Variants in KCNJ5 observed in about 807,000 individuals in gnomAD.
The protein encoded by KCNJ5 is G protein-activated inward rectifier potassium channel 4.
In KCNJ5, 12 loss-of-function variants were observed where a neutral mutation model predicts 20.2. The observed-to-expected ratio is 0.59, with a 90% CI of 0.38 to 0.96. KCNJ5 has a LOEUF of 0.96. Among genes scored for constraint, KCNJ5 ranks in the 40% least tolerant of loss-of-function variants. The pLI is 0.00. For missense variants in KCNJ5, 449 were observed against 557.6 expected (o/e 0.81, Z 1.96); for synonymous variants, 210 against 213.9 (o/e 0.98, Z 0.16).
chr11:128,895,025 C>T (rs11606500), intron 1 of KCNJ5, among the ~76,000 whole-genome samples: 31,544 of 150,652 alleles, frequency 0.21, 3,831 homozygotes, highest in Non-Finnish European at 0.27. Flanking sequence ...CAGGTGGCAA[C>T]GGCACTTCCT....
Position 128,916,799 on chromosome 11 carries a change from G to T in KCNJ5, c.*68G>T. ...AACACAGACACTGCAGAGCCTGGGAGCAGGGGAGGGGAATAGTTGAGTGTG... is the reference window on the plus strand; with the variant it reads ...AACACAGACACTGCAGAGCCTGGGATCAGGGGAGGGGAATAGTTGAGTGTG... On this transcript the variant is annotated 3_prime_UTR_variant, in exon 3 of 3. Transcript: ENST00000529694. The T allele has an allele frequency of 1.6e-6, 2 of 1,228,426 alleles. 1 individual carries two copies. Among genetic ancestry groups the T allele is most frequent in the South Asian group, 2.9e-5 (2 of 69,400 alleles). The allele number at this position is 1,228,426 out of a possible 1,614,324, so 76.1% of individuals were successfully genotyped here.
chr11:128,914,068 C>T (rs573604291), intron 2 of KCNJ5, among the ~76,000 whole-genome samples: 59 of 152,284 alleles, frequency 3.9e-4, no homozygotes, highest in African/African-American at 1.4e-3. Context: ...GCCCCGGGGC[C>T]GAGGACAGTC....
chr11:128,899,152 C>T (rs577982113), intron 1 of KCNJ5, among the ~76,000 whole-genome samples: 2 of 152,334 alleles, frequency 1.3e-5, no homozygotes, highest in South Asian at 2.1e-4. Context: ...CTGGGTTCAA[C>T]TCCAGATCAA....
chr11:128,907,052 C>A (rs1280241185), intron 1 of KCNJ5, among the ~76,000 whole-genome samples: 1 of 152,162 alleles, frequency 6.6e-6, no homozygotes, highest in Non-Finnish European at 1.5e-5. Flanking sequence ...CAGTTTGGAG[C>A]ATTTTCCTAT....
chr11:128,910,497 T>G (rs898518961), intron 1 of KCNJ5, among the ~76,000 whole-genome samples: 1 of 152,180 alleles, frequency 6.6e-6, no homozygotes. Flanking sequence ...TTCCTTTCTG[T>G]CTGCTGCTAA....
At chr11:128,904,461 G>C in intron 1 of KCNJ5, 1 of 1,613,744 alleles carries the variant, frequency 6.2e-7, no homozygotes, top group Non-Finnish European at 8.5e-7. Flanking sequence ...CAGATTCTGG[G>C]ACTAGGCATC....
At chr11:128,910,740 T>C (rs985808716) in intron 1 of KCNJ5, among the ~76,000 whole-genome samples, 22 of 152,172 alleles carry the variant, frequency 1.4e-4, no homozygotes, top group African/African-American at 5.3e-4. Context: ...GAGAACAAAA[T>C]GAACACAAAC....
Position 128,912,050 on chromosome 11 carries a change from GGGCTTTGACAC to G in KCNJ5, c.780_790del (p.Phe261ArgfsTer15). 1.2e-6 allele frequency: 2 copies of G among 1,613,974 alleles called. No individual in the cohort carries two copies. Among genetic ancestry groups the G allele is most frequent in the Non-Finnish European group, 1.7e-6 (2 of 1,179,978 alleles). On this transcript the variant is annotated frameshift_variant, in exon 2 of 3. Coordinates refer to ENST00000529694, the MANE Select transcript of KCNJ5 (RefSeq NM_000890.5). LOFTEE classifies it high-confidence loss of function. ...CCCTGAACCAGACAGACATCAACGTGGGCTTTGACACGGGCGACGACCGCCTCTTCCTTGTG... is the reference window on the plus strand; with the variant it reads ...CCCTGAACCAGACAGACATCAACGTGGGGCGACGACCGCCTCTTCCTTGTG...
chr11:128,907,265 A>T (rs1451041927), intron 1 of KCNJ5, among the ~76,000 whole-genome samples: 1 of 152,180 alleles, frequency 6.6e-6, no homozygotes, highest in Non-Finnish European at 1.5e-5. Flanking sequence ...TGAGTCTGTG[A>T]AAAGACTCCC....
At position 128,918,358 on chromosome 11, in the gene KCNJ5, C is replaced by G. The variant is rs1261815462; in HGVS notation, c.*1627C>G. The G allele has an allele frequency of 1.3e-5, 2 of 152,216 alleles. No individual in the cohort carries two copies. The highest frequency in any genetic ancestry group is 2.1e-4 in the South Asian group (1 of 4,830). 9.4% of individuals were successfully genotyped at this position (152,216 alleles called of 1,614,324 possible). ...TTAAGAAAAAAAGAGTAGAGAAGAG[C>G]CTGAAAATCAGCAACTTCCAGGGCT... is the stretch of plus-strand genomic sequence containing the variant. On this transcript the variant is annotated 3_prime_UTR_variant, in exon 3 of 3. Transcript: ENST00000529694.
chr11:128,893,695 G>A (rs1324931977), intron 1 of KCNJ5, among the ~76,000 whole-genome samples: 1 of 42,366 alleles, frequency 2.4e-5, no homozygotes, highest in East Asian at 6.5e-4. Context: ...AGGAGCCAAG[G>A]GTGAGGGGGG....
chr11:128,896,676 C>T (rs939886444), intron 1 of KCNJ5, among the ~76,000 whole-genome samples: 7 of 151,748 alleles, frequency 4.6e-5, no homozygotes, highest in African/African-American at 1.7e-4. Flanking sequence ...CAGTGGGAAT[C>T]GTCCATAGTG....
intron 2 of KCNJ5, 142 bp downstream of exon 2, chr11:128,912,352 T>C (rs1591451101): frequency 1.3e-6 from 1 of 743,442 alleles, no homozygotes; most frequent in East Asian, 2.6e-5. Flanking sequence ...AATTGTGGTT[T>C]GAGGGGTACT....
intron 1 of KCNJ5, chr11:128,904,626 C>T: frequency 1.3e-6 from 1 of 748,248 alleles, no homozygotes; most frequent in South Asian, 1.4e-5. Flanking sequence ...AGAATCAGAA[C>T]CCGCATTTTA....
intron 1 of KCNJ5, chr11:128,903,639 G>C: frequency 5.1e-6 from 5 of 990,038 alleles, no homozygotes; most frequent in Non-Finnish European, 7.6e-6. Flanking sequence ...GGCACTCTTG[G>C]TGATGATGCC....
chr11:128,903,715 G>A (rs1478635728), intron 1 of KCNJ5, among the ~76,000 whole-genome samples: 1 of 152,156 alleles, frequency 6.6e-6, no homozygotes, highest in African/African-American at 2.4e-5. Flanking sequence ...GGGACCTCTG[G>A]GGGCAAGTAT....
rs1200305830 is a variant in KCNJ5, at chr11:128,916,678, G to A, written c.1207G>A (p.Glu403Lys). Reference protein sequence around the residue: ...GLDAEAEQNEEDEPKGLGGSR... With the variant: ...GLDAEAEQNEKDEPKGLGGSR... Reference sequence around the variant, plus strand: ...GGATGCAGAGGCTGAGCAGAATGAAGAAGATGAGCCCAAGGGGCTGGGTGG... The same window carrying A: ...GGATGCAGAGGCTGAGCAGAATGAAAAAGATGAGCCCAAGGGGCTGGGTGG... The change falls in exon 3 of 3, where the codon GAA (glutamate) becomes AAA (lysine). Residue 403 changes from glutamate to lysine, a missense_variant. This residue lies in a region of KCNJ5 where 64 missense variants were observed against 51.3 expected (regional missense o/e 1.25). Coordinates refer to ENST00000529694, the MANE Select transcript of KCNJ5 (RefSeq NM_000890.5). 6.2e-7 allele frequency: 1 copy of A among 1,611,924 alleles called. No individual in the cohort carries two copies. The highest frequency in any genetic ancestry group is 8.5e-7 in the Non-Finnish European group (1 of 1,179,180).
intron 1 of KCNJ5, among the ~76,000 whole-genome samples, chr11:128,903,845 C>T (rs895091000): frequency 1.1e-4 from 16 of 152,130 alleles, no homozygotes; most frequent in Non-Finnish European, 7.4e-5. Flanking sequence ...TGCCGGGCAG[C>T]TTGTGCACAG....
chr11:128,912,787 G>A (rs1267488114), intron 2 of KCNJ5, among the ~76,000 whole-genome samples: 3 of 152,174 alleles, frequency 2.0e-5, no homozygotes, highest in African/African-American at 4.8e-5. Flanking sequence ...GGGATTACAC[G>A]CGTGAGCCAC....
Sources: allele counts gnomAD v4.1 joint callset (sites outside exome capture counted in the v4.1 genomes callset), GRCh38; gene constraint gnomAD v4.1.1; regional missense constraint gnomAD v4.1.1; transcripts MANE v1.5; gene names NCBI Gene and HGNC (gene_info 2026-07-23, HGNC 2026-07-21).